Variants in NEK11 observed in about 807,000 individuals in gnomAD.
NEK11 encodes NIMA related kinase 11, also known as serine/threonine-protein kinase Nek11.
Under a neutral mutation model 80.7 loss-of-function variants are expected in NEK11, and 72 were observed. The observed-to-expected ratio is 0.89, with a 90% CI of 0.74 to 1.08. The LOEUF is 1.08. Ranked by LOEUF, NEK11 falls within the 50% of genes least tolerant of loss-of-function variation. The probability of loss-of-function intolerance (pLI) is 0.00; values close to 1 mark genes in which losing one functional copy is unlikely to be tolerated. For missense variants in NEK11, 764 were observed against 763.6 expected (o/e 1.00, Z -0.01); for synonymous variants, 251 against 260.7 (o/e 0.96, Z 0.36).
chr3:131,123,279 G>T (rs1426290186), intron 5 of NEK11, among the ~76,000 whole-genome samples: 2 of 151,986 alleles, frequency 1.3e-5, no homozygotes, highest in African/African-American at 4.8e-5. Flanking sequence ...CAATTCTCCT[G>T]CCTCAACCTC....
chr3:131,256,919 T>C (rs1157248886), intron 16 of NEK11, among the ~76,000 whole-genome samples: 5 of 152,130 alleles, frequency 3.3e-5, no homozygotes, highest in Admixed American at 6.5e-5. Context: ...CTTGGGAACC[T>C]GGATGTGGCT....
intron 3 of NEK11, among the ~76,000 whole-genome samples, chr3:131,076,746 A>G (rs186778967): frequency 1.3e-5 from 2 of 152,286 alleles, no homozygotes; most frequent in African/African-American, 4.8e-5. Context: ...TATAGCATTC[A>G]TTGCAATTTG....
intron 17 of NEK11, among the ~76,000 whole-genome samples, chr3:131,275,758 T>A (rs1051699256): frequency 6.6e-6 from 1 of 152,244 alleles, no homozygotes; most frequent in South Asian, 2.1e-4. Context: ...GTTCTTTCTC[T>A]GCACTGTGAT....
rs906888540 is a variant in NEK11, at chr3:131,239,629, A to C, written c.1561-3807A>C. Among the ~76,000 whole-genome samples, 4 of 152,292 alleles carry C rather than the reference A, an allele frequency of 2.6e-5. No individual in the cohort carries two copies. The South Asian group carries it at 8.3e-4, about 32-fold the overall frequency. On this transcript the variant is annotated intron_variant, in intron 15 of 17. Transcript: ENST00000383366. ...TAGCCTACCAGCCAGGAGAGTGCTGAGGGTGCTAGATGTAGACAGATGGCT... is the reference window on the plus strand; with the variant it reads ...TAGCCTACCAGCCAGGAGAGTGCTGCGGGTGCTAGATGTAGACAGATGGCT...
At chr3:131,052,138 T>G (rs928755014) in intron 3 of NEK11, among the ~76,000 whole-genome samples, 9 of 151,320 alleles carry the variant, frequency 5.9e-5, no homozygotes, top group African/African-American at 2.2e-4. Context: ...TTTTTTGTTT[T>G]TTTTTTTTTT....
At chr3:131,243,618 G>A in intron 16 of NEK11, 122 bp downstream of exon 16, 1 of 786,928 alleles carries the variant, frequency 1.3e-6, no homozygotes, top group Non-Finnish European at 2.0e-6. Context: ...AAGAAACTGA[G>A]GCCAATAGAA....
At chr3:131,157,692 A>T (rs1488904979) in intron 10 of NEK11, among the ~76,000 whole-genome samples, 1 of 152,132 alleles carries the variant, frequency 6.6e-6, no homozygotes, top group African/African-American at 2.4e-5. Context: ...GAGAGAAGAC[A>T]CAGAAGCTGG....
intron 3 of NEK11, among the ~76,000 whole-genome samples, chr3:131,052,844 C>G (rs991306316): frequency 2.0e-5 from 3 of 152,130 alleles, no homozygotes; most frequent in African/African-American, 7.2e-5. Flanking sequence ...AAAAAGATTT[C>G]CATGATTATA....
intron 3 of NEK11, among the ~76,000 whole-genome samples, chr3:131,073,534 A>G (rs1426952915): frequency 6.6e-6 from 1 of 152,236 alleles, no homozygotes; most frequent in African/African-American, 2.4e-5. Context: ...TAATACTCAT[A>G]TGCTGCTAAA....
intron 17 of NEK11, chr3:131,327,541 AAGTTGATTTGTCAAGCTAAGAG>A (rs1268572922): frequency 1.3e-5 from 2 of 152,146 alleles, no homozygotes; most frequent in African/African-American, 4.8e-5. Flanking sequence ...GGTGTTTGAA[AAGTTGATTTGTCAAGCTAAGAG>A]GGTAGATCAT....
intron 5 of NEK11, among the ~76,000 whole-genome samples, chr3:131,112,967 G>GTTAGATGATAAATTA (rs2080374900): frequency 6.6e-6 from 1 of 152,204 alleles, no homozygotes. Context: ...CTTCAGGAAG[G>GTTAGATGATAAATTA]TTAGATGATA....
chr3:131,167,013 G>C (rs2092297950), intron 12 of NEK11, among the ~76,000 whole-genome samples: 2 of 152,200 alleles, frequency 1.3e-5, no homozygotes, highest in African/African-American at 4.8e-5. Flanking sequence ...AGAATTATAA[G>C]AATTCCGAGT....
At chr3:131,133,456 C>T (rs2084930425) in intron 6 of NEK11, 1 of 290,824 alleles carries the variant, frequency 3.4e-6, no homozygotes, top group Non-Finnish European at 6.6e-6. Context: ...AATTTAAGAA[C>T]AAATTCTTCT....
At chr3:131,336,939 G>A (rs1168280387) in intron 17 of NEK11, among the ~76,000 whole-genome samples, 1 of 152,000 alleles carries the variant, frequency 6.6e-6, no homozygotes, top group African/African-American at 2.4e-5. Context: ...CAGTTAGAAT[G>A]GCAATCATTA....
At chr3:131,062,339 C>T (rs1381888054) in intron 3 of NEK11, among the ~76,000 whole-genome samples, 4 of 152,194 alleles carry the variant, frequency 2.6e-5, no homozygotes, top group African/African-American at 9.6e-5. Flanking sequence ...GAGAACCTTC[C>T]AGGTTAAAGG....
intron 14 of NEK11, among the ~76,000 whole-genome samples, chr3:131,205,300 T>C (rs1171438405): frequency 6.6e-6 from 1 of 152,172 alleles, no homozygotes; most frequent in Non-Finnish European, 1.5e-5. Flanking sequence ...GGAATGCACT[T>C]TTGAATCCAG....
intron 17 of NEK11, among the ~76,000 whole-genome samples, chr3:131,284,508 G>C (rs963028421): frequency 1.3e-5 from 2 of 152,144 alleles, no homozygotes; most frequent in Non-Finnish European, 2.9e-5. Context: ...CCCTGTGATG[G>C]TTAAGTGAGT....
intron 4 of NEK11, among the ~76,000 whole-genome samples, chr3:131,109,045 T>C (rs1171548397): frequency 2.0e-5 from 3 of 152,124 alleles, no homozygotes; most frequent in African/African-American, 7.2e-5. Context: ...CAACTCTAAG[T>C]GTAAGAAAAG....
rs2097428994 is a variant in NEK11 at position 131,349,980 on chromosome 3, T to C, written c.*204T>C. ...TTGGAGTCATAAGTGTTATTTGGAC[T>C]ATACCCTGAGATAAGCTTATAGATC... On this transcript the variant is annotated 3_prime_UTR_variant, in exon 18 of 18. Transcript: ENST00000383366. 2 of 566,952 alleles carry C rather than the reference T, an allele frequency of 3.5e-6. No individual in the cohort carries two copies. The highest frequency in any genetic ancestry group is 6.3e-6 in the Non-Finnish European group (2 of 319,482). 35.1% of individuals were successfully genotyped at this position (566,952 alleles called of 1,614,324 possible).
Sources: allele counts gnomAD v4.1 joint callset (sites outside exome capture counted in the v4.1 genomes callset), GRCh38; gene constraint gnomAD v4.1.1; transcripts MANE v1.5; gene names NCBI Gene and HGNC (gene_info 2026-07-23, HGNC 2026-07-21).